The following NBEA variants were observed in gnomAD, a reference collection of about 807,000 sequenced individuals.
NBEA encodes neurobeachin.
NBEA carries 44 observed loss-of-function variants against 343.4 expected under a neutral mutation model. The observed-to-expected ratio is 0.13, with a 90% CI of 0.10 to 0.16. The LOEUF is 0.16. Ranked by LOEUF, NBEA falls within the 10% of genes least tolerant of loss-of-function variation. NBEA has a pLI of 1.00. For synonymous variants in NBEA, 1,175 were observed against 1,238.7 expected, an observed-to-expected ratio of 0.95 and a Z score of 1.08; for missense variants, 2,555 against 3,631.3, an observed-to-expected ratio of 0.70 and a Z score of 7.62.
intron 41 of NBEA, among the ~76,000 whole-genome samples, chr13:35,535,788 A>G (rs1242533311): frequency 6.6e-6 from 1 of 152,166 alleles, no homozygotes; most frequent in African/African-American, 2.4e-5. Context: ...AGTTCTTTCC[A>G]CTACAGCATG....
At chr13:35,384,088 C>T (rs1197743662) in intron 38 of NBEA, among the ~76,000 whole-genome samples, 1 of 152,026 alleles carries the variant, frequency 6.6e-6, no homozygotes, top group Non-Finnish European at 1.5e-5. Flanking sequence ...TACCAAGGCC[C>T]AGTCACACCC....
intron 48 of NBEA, among the ~76,000 whole-genome samples, chr13:35,622,088 A>C (rs1235128747): frequency 6.6e-6 from 1 of 152,240 alleles, no homozygotes; most frequent in Non-Finnish European, 1.5e-5. Flanking sequence ...CTGAGAACAC[A>C]GGAAGCAAAC....
At chr13:35,620,251 G>A (rs1392525117) in intron 48 of NBEA, among the ~76,000 whole-genome samples, 3 of 152,050 alleles carry the variant, frequency 2.0e-5, no homozygotes, top group Admixed American at 1.3e-4. Context: ...GAAGGTGACC[G>A]GTGGTAGAAA....
intron 33 of NBEA, among the ~76,000 whole-genome samples, chr13:35,211,831 T>C (rs1026633603): frequency 1.3e-5 from 2 of 151,576 alleles, no homozygotes; most frequent in Non-Finnish European, 2.9e-5. Context: ...AATAAATAAA[T>C]AAATAAACAA....
chr13:35,182,653 G>C, intron 29 of NBEA, 125 bp downstream of exon 29: 1 of 900,086 alleles, frequency 1.1e-6, no homozygotes, highest in Non-Finnish European at 1.6e-6. Context: ...GGTTGGTATA[G>C]AAATGCTAAT....
chr13:35,431,560 C>T (rs551433019), intron 38 of NBEA, among the ~76,000 whole-genome samples: 21 of 151,948 alleles, frequency 1.4e-4, no homozygotes, highest in Non-Finnish European at 2.5e-4. Flanking sequence ...CAATGTTGGC[C>T]GTGGCTATTA....
intron 38 of NBEA, among the ~76,000 whole-genome samples, chr13:35,375,366 TCAA>T (rs1334938154): frequency 6.6e-6 from 1 of 152,158 alleles, no homozygotes; most frequent in East Asian, 1.9e-4. Context: ...TGCTCCATTT[TCAA>T]CAACTTTTTG....
At chr13:35,307,339 T>G (rs1042596757) in intron 35 of NBEA, among the ~76,000 whole-genome samples, 1 of 152,036 alleles carries the variant, frequency 6.6e-6, no homozygotes, top group Admixed American at 6.6e-5. Flanking sequence ...TTGAATGAAG[T>G]CTTGTGATCA....
chr13:35,284,005 C>T (rs948377402), intron 34 of NBEA, among the ~76,000 whole-genome samples: 1 of 143,188 alleles, frequency 7.0e-6, no homozygotes, highest in Non-Finnish European at 1.6e-5. Context: ...CACACACACA[C>T]ACACACACAC....
chr13:35,159,483 T>C lies in NBEA; in HGVS notation c.3312T>C (p.Val1104=), dbSNP rs755578400. ...SLLDNVYSAA[V]EKLQNNVHGS... Reference sequence around the variant, plus strand: ...TGGATAATGTATATAGTGCTGCTGTTGAGAAACTCCAGAACAATGTACATG... The same window carrying C: ...TGGATAATGTATATAGTGCTGCTGTCGAGAAACTCCAGAACAATGTACATG... Residue 1104 remains valine, a synonymous_variant, in exon 22 of 59, where the codon GTT becomes GTC. Coordinates refer to ENST00000379939, the MANE Select transcript of NBEA (RefSeq NM_001385012.1). The C allele has an allele frequency of 6.2e-7, 1 of 1,613,332 alleles. No homozygotes were observed. The highest frequency in any genetic ancestry group is 8.5e-7 in the Non-Finnish European group (1 of 1,179,658).
At chr13:35,419,950 A>G (rs571764817) in intron 38 of NBEA, among the ~76,000 whole-genome samples, 1 of 152,188 alleles carries the variant, frequency 6.6e-6, no homozygotes, top group East Asian at 1.9e-4. Flanking sequence ...TAGAAATACA[A>G]TTATTATTTG....
chr13:35,455,369 A>G lies in NBEA; in HGVS notation c.6448+3134A>G, dbSNP rs563331967. Among the ~76,000 whole-genome samples, 67 of 151,784 alleles carry G rather than the reference A, an allele frequency of 4.4e-4. 1 individual carries two copies. The highest frequency in any genetic ancestry group is 8.4e-4 in the Non-Finnish European group (57 of 67,856). On this transcript the variant is annotated intron_variant, in intron 40 of 58. Transcript: ENST00000379939. ...TAAGATTAATTCTGTTCTTATTTTAATTCAAAAGATAGATCAATTTCTGTT... is the reference window on the plus strand; with the variant it reads ...TAAGATTAATTCTGTTCTTATTTTAGTTCAAAAGATAGATCAATTTCTGTT...
At chr13:35,646,373 T>TA in intron 51 of NBEA, 25 bp downstream of exon 51, 1 of 1,539,130 alleles carries the variant, frequency 6.5e-7, no homozygotes, top group Non-Finnish European at 9.0e-7. Context: ...CATGTTGAGA[T>TA]TTTTTTTTCT....
At chr13:35,204,941 A>G (rs929286824) in intron 31 of NBEA, among the ~76,000 whole-genome samples, 1 of 152,158 alleles carries the variant, frequency 6.6e-6, no homozygotes, top group Non-Finnish European at 1.5e-5. Flanking sequence ...ACGTTGTGTA[A>G]CAATCTGATA....
intron 34 of NBEA, among the ~76,000 whole-genome samples, chr13:35,242,066 C>G (rs2030394561): frequency 6.6e-6 from 1 of 151,798 alleles, no homozygotes; most frequent in African/African-American, 2.4e-5. Context: ...TTCCAGAAAC[C>G]ACGTTTAAAG....
chr13:35,050,486 G>T, intron 6 of NBEA, 91 bp downstream of exon 6: 1 of 1,273,364 alleles, frequency 7.9e-7, no homozygotes, highest in Non-Finnish European at 1.1e-6. Context: ...TCTTTCACGG[G>T]TTTTCCTATG....
At chr13:35,004,480 A>G (rs897035185) in intron 1 of NBEA, among the ~76,000 whole-genome samples, 3 of 152,206 alleles carry the variant, frequency 2.0e-5, no homozygotes, top group African/African-American at 7.2e-5. Flanking sequence ...GGAAAAAAGC[A>G]CTGGACAACT....
At chr13:35,169,286 A>G (rs2070280909) in intron 25 of NBEA, among the ~76,000 whole-genome samples, 1 of 151,572 alleles carries the variant, frequency 6.6e-6, no homozygotes, top group Non-Finnish European at 1.5e-5. Flanking sequence ...AGTAAATTGG[A>G]TGAAATATAT....
chr13:34,998,956 G>A (rs2061031168), intron 1 of NBEA, among the ~76,000 whole-genome samples: 4 of 152,066 alleles, frequency 2.6e-5, no homozygotes, highest in South Asian at 2.1e-4. Flanking sequence ...GTAAAGACAG[G>A]CGTAAGAAAT....
Sources: gnomAD v4.1 joint callset for allele counts (sites outside exome capture counted in the v4.1 genomes callset) on GRCh38, gnomAD v4.1.1 for gene constraint, MANE v1.5 for transcripts, NCBI Gene and HGNC (gene_info 2026-07-23, HGNC 2026-07-21) for gene names.